RIMBP2: variants seen among roughly 807,000 people sequenced by gnomAD.
RIMBP2 encodes the protein RIMS binding protein 2.
In RIMBP2, 48 loss-of-function variants were observed where a neutral mutation model predicts 118.6. That is an observed-to-expected ratio of 0.40 (90% confidence interval 0.32 to 0.51). RIMBP2 has a LOEUF of 0.51. Ranked by LOEUF, RIMBP2 falls within the 20% of genes least tolerant of loss-of-function variation. RIMBP2 has a pLI of 0.41. For synonymous variants in RIMBP2, 762 were observed against 742.9 expected (o/e 1.03, Z -0.42); for missense variants, 1,551 against 1,768.3 (o/e 0.88, Z 2.20).
At position 130,445,267 on chromosome 12, in the gene RIMBP2, T is replaced by C; in HGVS notation, c.584A>G (p.Tyr195Cys). The C allele has an allele frequency of 6.2e-7, 1 of 1,610,198 alleles. No homozygotes were observed. The highest frequency in any genetic ancestry group is 1.1e-5 in the South Asian group (1 of 90,508). The change falls in exon 10 of 23, where the codon TAC becomes TGC. Residue 195 changes from tyrosine (Y) to cysteine (C), a missense_variant and splice_region_variant. Coordinates refer to ENST00000690449, the MANE Select transcript of RIMBP2 (RefSeq NM_001393629.1). ...CTCGTTCGGTCCATCGAAGGGGTTG[T>C]AACTGCAGAGAAAACACAGTTCCTT... is the stretch of plus-strand genomic sequence containing the variant. ...KVHLCVARYS[Y>C]NPFDGPNENP...
At chr12:130,580,416 T>C (rs2058389463) in intron 2 of RIMBP2, among the ~76,000 whole-genome samples, 1 of 152,158 alleles carries the variant, frequency 6.6e-6, no homozygotes, top group Non-Finnish European at 1.5e-5. Context: ...ACAAGTGCTC[T>C]TGGCTGCCGC....
chr12:130,408,962 C>T (rs1415915207), intron 19 of RIMBP2, among the ~76,000 whole-genome samples: 1 of 152,184 alleles, frequency 6.6e-6, no homozygotes, highest in Non-Finnish European at 1.5e-5. Context: ...TTACAGGACG[C>T]ACACACGCCT....
In RIMBP2 at chr12:130,670,827, G is replaced by A. The variant is rs528128770; in HGVS notation, c.-351-42371C>T. Among the ~76,000 whole-genome samples the A allele has an allele frequency of 6.6e-6, 1 of 152,284 alleles. No individual in the cohort carries two copies. The highest frequency in any genetic ancestry group is 2.1e-4 in the South Asian group (1 of 4,820). On this transcript the variant is annotated intron_variant, in intron 1 of 22. Transcript: ENST00000690449. This position sits in a 1 kb window ranked among gnomAD's most constrained non-coding sequence, Gnocchi z 4.9. The stretch of plus-strand genomic sequence containing the variant: ...CCCTCTCTGTTGCCCAGGCTGGAGT[G>A]CAGTGGCGCAATCTCAGCTCACTGC...
intron 22 of RIMBP2, 65 bp downstream of exon 22, chr12:130,399,614 G>T: frequency 6.4e-7 from 1 of 1,563,414 alleles, no homozygotes; most frequent in South Asian, 1.2e-5. Flanking sequence ...TCAGTGCAAA[G>T]ATTGTATTAG....
chr12:130,438,334 A>AGGCCCCC, intron 12 of RIMBP2, 31 bp downstream of exon 12: 1 of 1,344,514 alleles, frequency 7.4e-7, no homozygotes, highest in Non-Finnish European at 1.1e-6. Context: ...GGGCCTAACA[A>AGGCCCCC]ACCCTCCCCA....
intron 2 of RIMBP2, among the ~76,000 whole-genome samples, chr12:130,611,861 A>G (rs2060576250): frequency 6.6e-6 from 1 of 152,202 alleles, no homozygotes; most frequent in Non-Finnish European, 1.5e-5. Context: ...GTTCTCTGCC[A>G]TGCAGGGCGC....
intron 2 of RIMBP2, among the ~76,000 whole-genome samples, chr12:130,590,771 T>C (rs1159452359): frequency 6.6e-6 from 1 of 152,172 alleles, no homozygotes; most frequent in Non-Finnish European, 1.5e-5. Context: ...ATGCGGTTTT[T>C]AAAAACTGCC....
chr12:130,621,164 T>C lies in RIMBP2; in HGVS notation c.-217+7158A>G, dbSNP rs930688210. ...GTGACCTTAGGTGAGTTGGAAACCCTTGAGTTCAGTCACCAGGCTCTGGAG... is the reference window on the plus strand; with the variant it reads ...GTGACCTTAGGTGAGTTGGAAACCCCTGAGTTCAGTCACCAGGCTCTGGAG... On this transcript the variant is annotated intron_variant, in intron 2 of 22. Transcript: ENST00000690449. This position sits in a 1 kb window ranked among gnomAD's most constrained non-coding sequence, Gnocchi z 6.6. Among the ~76,000 whole-genome samples the C allele has an allele frequency of 4.6e-5, 7 of 152,104 alleles. No individual in the cohort carries two copies. The highest frequency in any genetic ancestry group is 1.7e-4 in the African/African-American group (7 of 41,432).
In RIMBP2 at chr12:130,451,251, C is replaced by T. The variant is rs142989103; in HGVS notation, c.448G>A (p.Ala150Thr). 46 of 1,614,038 alleles carry T rather than the reference C, an allele frequency of 2.8e-5. No individual in the cohort carries two copies. The East Asian group carries it at 2.9e-4, about 10-fold the overall frequency. The change falls in exon 8 of 23, where the codon GCC (alanine) becomes ACC (threonine). Residue 150 changes from alanine (A) to threonine (T), a missense_variant. This residue lies in a region of RIMBP2 where 239 missense variants were observed against 256.8 expected (regional missense o/e 0.93). Coordinates refer to ENST00000690449, the MANE Select transcript of RIMBP2 (RefSeq NM_001393629.1). ...QPGDRPEPLS[A>T]KPTFLSRSGS... ...GATCTCGACAGGAAGGTGGGCTTGGCGGACAGAGGCTCCGGCCTGTCACCA... is the reference window on the plus strand; with the variant it reads ...GATCTCGACAGGAAGGTGGGCTTGGTGGACAGAGGCTCCGGCCTGTCACCA...
intron 1 of RIMBP2, among the ~76,000 whole-genome samples, chr12:130,692,850 ATAGGGTAGGGTAGGG>A (rs762175825): frequency 1.1e-4 from 9 of 80,946 alleles, no homozygotes; most frequent in African/African-American, 2.4e-4. Context: ...ATGGGATGGG[ATAGGGTAGGGTAGGG>A]TAGGGTAGGG....
chr12:130,575,565 G>A (rs1310766155), intron 2 of RIMBP2, among the ~76,000 whole-genome samples: 1 of 152,206 alleles, frequency 6.6e-6, no homozygotes, highest in Non-Finnish European at 1.5e-5. Flanking sequence ...ATTCCTGCCT[G>A]CAACTGTCGG....
At chr12:130,408,665 G>C (rs774432559) in intron 19 of RIMBP2, among the ~76,000 whole-genome samples, 2 of 152,202 alleles carry the variant, frequency 1.3e-5, no homozygotes, top group African/African-American at 2.4e-5. Context: ...GCCCAATCAC[G>C]AAACCCCTGT....
intron 2 of RIMBP2, among the ~76,000 whole-genome samples, chr12:130,526,044 T>C (rs761328304): frequency 1.3e-5 from 2 of 151,812 alleles, no homozygotes; most frequent in African/African-American, 2.4e-5. Flanking sequence ...ATCCAGCCAC[T>C]CCCTTGGTCC....
rs537375358 is a variant in RIMBP2 at position 130,525,983 on chromosome 12, C to T, written c.-216-8066G>A. Among the ~76,000 whole-genome samples the T allele has an allele frequency of 6.6e-6, 1 of 152,126 alleles. No homozygotes were observed. The highest frequency in any genetic ancestry group is 6.5e-5 in the Admixed American group (1 of 15,280). Reference sequence around the variant, plus strand: ...GGCTGTGCAGCTGTCAGGTTTGAGACCCCCTCCTCCCTGCCCCAATTTGCC... The same window carrying T: ...GGCTGTGCAGCTGTCAGGTTTGAGATCCCCTCCTCCCTGCCCCAATTTGCC... On this transcript the variant is annotated intron_variant, in intron 2 of 22. Coordinates refer to ENST00000690449, the MANE Select transcript of RIMBP2 (RefSeq NM_001393629.1). The surrounding 1 kb of genome is among the most constrained non-coding windows in gnomAD (Gnocchi z 4.4).
intron 3 of RIMBP2, among the ~76,000 whole-genome samples, chr12:130,512,711 A>G (rs1260157158): frequency 6.6e-6 from 1 of 152,194 alleles, no homozygotes; most frequent in Non-Finnish European, 1.5e-5. Context: ...GAGAAAGTGG[A>G]CTCAGAGTGA....
intron 2 of RIMBP2, among the ~76,000 whole-genome samples, chr12:130,575,476 T>TCCC (rs2058027887): frequency 2.6e-5 from 4 of 152,062 alleles, no homozygotes; most frequent in Admixed American, 2.6e-4. Context: ...TAAAGCCAAG[T>TCCC]CCCCATCAGT....
intron 2 of RIMBP2, among the ~76,000 whole-genome samples, chr12:130,528,861 T>C (rs2053078417): frequency 6.6e-6 from 1 of 152,150 alleles, no homozygotes; most frequent in African/African-American, 2.4e-5. Flanking sequence ...CCAGTGGAGA[T>C]GTAAAATGGT....
chr12:130,713,909 G>T (rs1443712610), intron 1 of RIMBP2, among the ~76,000 whole-genome samples: 3 of 152,180 alleles, frequency 2.0e-5, no homozygotes, highest in Non-Finnish European at 4.4e-5. Context: ...GCGCCTCCTG[G>T]TCACGCTGTA....
chr12:130,649,448 C>T (rs369938673), intron 1 of RIMBP2, among the ~76,000 whole-genome samples: 2 of 152,218 alleles, frequency 1.3e-5, no homozygotes, highest in Admixed American at 1.3e-4. Flanking sequence ...CGACTCAGGG[C>T]TCCACTCTCC....
Sources: allele counts gnomAD v4.1 joint callset (sites outside exome capture counted in the v4.1 genomes callset), GRCh38; gene constraint gnomAD v4.1.1; regional missense constraint gnomAD v4.1.1; non-coding constraint Gnocchi (gnomAD v3.1); transcripts MANE v1.5; gene names NCBI Gene and HGNC (gene_info 2026-07-23, HGNC 2026-07-21).